Variants in CACNA1I observed in about 807,000 individuals in gnomAD.
CACNA1I encodes voltage-dependent T-type calcium channel subunit alpha-1I.
Under a neutral mutation model 201.6 loss-of-function variants are expected in CACNA1I, and 74 were observed. That is an observed-to-expected ratio of 0.37 (90% CI 0.30 to 0.45). The LOEUF (loss-of-function observed/expected upper bound fraction) is 0.45. CACNA1I is among the 20% of genes least tolerant of loss of function. The pLI, the probability that CACNA1I is intolerant of heterozygous loss-of-function variation, is 1.00. For missense variants in CACNA1I, 2,346 were observed against 3,138.1 expected, an observed-to-expected ratio of 0.75 and a Z score of 6.03; for synonymous variants, 1,431 against 1,345.2, an observed-to-expected ratio of 1.06 and a Z score of -1.40.
At chr22:39,616,674 G>A (rs895005714) in intron 3 of CACNA1I, among the ~76,000 whole-genome samples, 1 of 150,460 alleles carries the variant, frequency 6.6e-6, no homozygotes, top group Admixed American at 6.7e-5. Flanking sequence ...TGAGGCAGGA[G>A]AATCGCTTGA....
rs565866411 is a variant in CACNA1I, at chr22:39,624,818, G to T, written c.580+5411G>T. 2.0e-5 allele frequency among the ~76,000 whole-genome samples: 3 copies of T among 151,980 alleles called. No individual in the cohort carries two copies. The East Asian group carries it at 5.8e-4, about 29-fold the overall frequency. ...CCTAGAGAGATTTCATAGTTGCCTGGTTTTTTTATTTTCTTTTTTTTAAAA... is the reference window on the plus strand; with the variant it reads ...CCTAGAGAGATTTCATAGTTGCCTGTTTTTTTTATTTTCTTTTTTTTAAAA... On this transcript the variant is annotated intron_variant, in intron 4 of 36. Transcript: ENST00000402142.
intron 4 of CACNA1I, among the ~76,000 whole-genome samples, chr22:39,634,148 A>T (rs1934141661): frequency 6.6e-6 from 1 of 152,180 alleles, no homozygotes; most frequent in Admixed American, 6.5e-5. Context: ...GCTGCTTCTG[A>T]GCTGTGTGAC....
At chr22:39,644,801 C>G (rs896082872) in intron 7 of CACNA1I, among the ~76,000 whole-genome samples, 1 of 152,170 alleles carries the variant, frequency 6.6e-6, no homozygotes, top group African/African-American at 2.4e-5. Context: ...GATCATCCCC[C>G]CTCAGCTTCC....
chr22:39,579,668 C>G (rs1205785907), intron 1 of CACNA1I, among the ~76,000 whole-genome samples: 1 of 146,636 alleles, frequency 6.8e-6, no homozygotes. Flanking sequence ...TTTTTTGAGA[C>G]AGAGTTTCGC....
Position 39,685,687 on chromosome 22 carries a change from G to T in CACNA1I, c.6028-74G>T. On this transcript the variant is annotated intron_variant, in intron 36 of 36. Transcript: ENST00000402142. This position sits in a 1 kb window ranked among gnomAD's most constrained non-coding sequence, Gnocchi z 5.0. ...GGGGTCTGCCTGCTGCCTGCTGTGCGGGGGAGGGCGGCGTCCAGGTTGCTG... is the reference window on the plus strand; with the variant it reads ...GGGGTCTGCCTGCTGCCTGCTGTGCTGGGGAGGGCGGCGTCCAGGTTGCTG... The T allele has an allele frequency of 1.6e-6, 2 of 1,251,942 alleles. No homozygotes were observed. The highest frequency in any genetic ancestry group is 2.1e-6 in the Non-Finnish European group (2 of 962,710). 77.6% of individuals were successfully genotyped at this position (1,251,942 alleles called of 1,614,324 possible).
Position 39,670,182 on chromosome 22 carries a change from C to T in CACNA1I, c.4339C>T (p.Arg1447Trp), listed in dbSNP as rs760683325. 9.3e-6 allele frequency: 15 copies of T among 1,613,964 alleles called. No homozygotes were observed. Among genetic ancestry groups the T allele is most frequent in the East Asian group, 4.5e-5 (2 of 44,896 alleles). Reference protein sequence around the residue: ...CRQHQEAEEARRREEKRLRRL... With the variant: ...CRQHQEAEEAWRREEKRLRRL... ...GCAGCACCAGGAGGCTGAAGAGGCA[C>T]GGCGGCGTGAGGAGAAGCGGCTGCG... Residue 1447 changes from arginine (R) to tryptophan (W), a missense_variant, in exon 25 of 37, where the codon CGG becomes TGG. Physicochemically the swap from Arg to Trp is moderately radical, Grantham distance 101. Coordinates refer to ENST00000402142, the MANE Select transcript of CACNA1I (RefSeq NM_021096.4).
intron 1 of CACNA1I, among the ~76,000 whole-genome samples, chr22:39,583,125 C>T (rs1160894754): frequency 6.7e-6 from 1 of 149,824 alleles, no homozygotes; most frequent in East Asian, 2.0e-4. Context: ...TCCATGCATG[C>T]ATCCATCTCT....
At chr22:39,683,260 A>G (rs150847273) in intron 35 of CACNA1I, among the ~76,000 whole-genome samples, 2,016 of 152,196 alleles carry the variant, frequency 0.013, 45 homozygotes, top group African/African-American at 0.046. Context: ...GGTGGCAGGA[A>G]CCTGGTTTCG....
chr22:39,582,939 A>C (rs1932605823), intron 1 of CACNA1I, among the ~76,000 whole-genome samples: 1 of 133,612 alleles, frequency 7.5e-6, no homozygotes, highest in South Asian at 2.6e-4. Flanking sequence ...CATCCATCCA[A>C]GCATCCAACT....
chr22:39,656,565 T>A, intron 10 of CACNA1I: 1 of 515,478 alleles, frequency 1.9e-6, no homozygotes, highest in Non-Finnish European at 3.9e-6. Context: ...GACGGTGCCC[T>A]GACTCCCTCA....
intron 1 of CACNA1I, among the ~76,000 whole-genome samples, chr22:39,571,464 C>T (rs1368468625): frequency 6.6e-6 from 1 of 152,188 alleles, no homozygotes; most frequent in Non-Finnish European, 1.5e-5. Context: ...CCTCCTGCCT[C>T]CACTTGCTGC....
intron 7 of CACNA1I, chr22:39,643,364 C>T (rs1278168559): frequency 6.4e-6 from 1 of 157,198 alleles, no homozygotes; most frequent in African/African-American, 2.4e-5. Context: ...GAGGGACTCC[C>T]ATCTCTTGGG....
chr22:39,619,463 CATCCCTGGCCTACCT>C, intron 4 of CACNA1I, 56 bp downstream of exon 4: 1 of 1,348,756 alleles, frequency 7.4e-7, no homozygotes. Flanking sequence ...CTGGCCAACC[CATCCCTGGCCTACCT>C]AGCCAATGCC....
chr22:39,680,865 GC>G, intron 33 of CACNA1I, 64 bp from the exon 34 acceptor site: 1 of 1,531,022 alleles, frequency 6.5e-7, no homozygotes, highest in Non-Finnish European at 8.8e-7. Flanking sequence ...GTGGCTGCAC[GC>G]CCCAGGACCC....
rs1431425814 is a variant in CACNA1I, at chr22:39,662,213, C to A, written c.3150C>A (p.His1050Gln). The change falls in exon 17 of 37, where the codon CAC (histidine) becomes CAA (glutamine). Residue 1050 changes from histidine (H) to glutamine (Q), a missense_variant. By Grantham distance (24) the His-to-Gln change is conservative. This residue lies in a region of CACNA1I where 288 missense variants were observed against 255.2 expected (regional missense o/e 1.13). Coordinates refer to ENST00000402142, the MANE Select transcript of CACNA1I (RefSeq NM_021096.4). Reference protein sequence around the residue: ...IHHGPHLAHRHRHHRRTLSLD... With the variant: ...IHHGPHLAHRQRHHRRTLSLD... ...ACGGGCCCCATCTGGCGCACCGCCA[C>A]CGCCACCACCGCCGGACGCTGTCCC... 6.5e-7 allele frequency: 1 copy of A among 1,528,882 alleles called. No individual in the cohort carries two copies. Among genetic ancestry groups the A allele is most frequent in the East Asian group, 2.6e-5 (1 of 38,546 alleles). The allele number at this position is 1,528,882 out of a possible 1,614,324, so 94.7% of individuals were successfully genotyped here.
chr22:39,579,554 G>A (rs1206578891), intron 1 of CACNA1I, among the ~76,000 whole-genome samples: 4 of 152,200 alleles, frequency 2.6e-5, no homozygotes, highest in Non-Finnish European at 5.9e-5. Flanking sequence ...TTTCTGGTCA[G>A]GACCTCAGGA....
At chr22:39,618,235 G>A (rs111213336) in intron 3 of CACNA1I, among the ~76,000 whole-genome samples, 1 of 69,924 alleles carries the variant, frequency 1.4e-5, no homozygotes, top group East Asian at 2.0e-4. Context: ...CTGTGTGCAG[G>A]TGTGTGGTTG....
At chr22:39,603,791 CAG>C (rs1468216196) in intron 3 of CACNA1I, among the ~76,000 whole-genome samples, 1 of 152,132 alleles carries the variant, frequency 6.6e-6, no homozygotes, top group Non-Finnish European at 1.5e-5. Context: ...ATTAGGAAAA[CAG>C]ACATCGGAGA....
rs1934563573 is a variant in CACNA1I at position 39,648,749 on chromosome 22, C to T, written c.1568-752C>T. Among the ~76,000 whole-genome samples the T allele has an allele frequency of 6.6e-6, 1 of 152,040 alleles. No homozygotes were observed. The highest frequency in any genetic ancestry group is 6.5e-5 in the Admixed American group (1 of 15,274). On this transcript the variant is annotated intron_variant, in intron 9 of 36. Transcript: ENST00000402142. The surrounding 1 kb of genome is among the most constrained non-coding windows in gnomAD (Gnocchi z 5.4). ...AATATATAGGAAAACACAAAGAAGG[C>T]ATTAAACCAAGCAGAGAGAGGCCTC...
Sources: gnomAD v4.1 joint callset for allele counts (sites outside exome capture counted in the v4.1 genomes callset) on GRCh38, gnomAD v4.1.1 for gene constraint, gnomAD v4.1.1 regional missense constraint, Gnocchi (gnomAD v3.1) non-coding constraint, MANE v1.5 for transcripts, NCBI Gene and HGNC (gene_info 2026-07-23, HGNC 2026-07-21) for gene names.